PIK3R1: variants seen among roughly 807,000 people sequenced by gnomAD.
PIK3R1 encodes the protein phosphatidylinositol 3-kinase regulatory subunit alpha.
A neutral mutation model predicts 98.0 loss-of-function variants in PIK3R1; 29 were observed. That is an observed-to-expected ratio of 0.30 (90% CI 0.22 to 0.40). The LOEUF (loss-of-function observed/expected upper bound fraction) is 0.40. Among genes scored for constraint, PIK3R1 ranks in the 10% least tolerant of loss-of-function variants. PIK3R1 has a pLI of 1.00. For missense variants in PIK3R1, 596 were observed against 872.7 expected, an observed-to-expected ratio of 0.68 and a Z score of 3.99; for synonymous variants, 282 against 311.8, an observed-to-expected ratio of 0.90 and a Z score of 1.01.
At chr5:68,283,580 T>C (rs1426796393) in intron 7 of PIK3R1, among the ~76,000 whole-genome samples, 1 of 152,230 alleles carries the variant, frequency 6.6e-6, no homozygotes, top group Non-Finnish European at 1.5e-5. Context: ...TTATTCAAAA[T>C]AAATTACACA....
chr5:68,229,418 T>C (rs1221379774), intron 2 of PIK3R1, among the ~76,000 whole-genome samples: 1 of 152,238 alleles, frequency 6.6e-6, no homozygotes, highest in Non-Finnish European at 1.5e-5. Context: ...TTGAATTCTT[T>C]AGTTCTTTTC....
In PIK3R1 at chr5:68,300,169, T is replaced by G. The variant is rs543045346; in HGVS notation, c.*2568T>G. 1.0e-3 allele frequency: 239 copies of G among 233,292 alleles called. 2 individuals are homozygous for G. Among genetic ancestry groups the G allele is most frequent in the Middle Eastern group, 2.5e-3 (2 of 786 alleles). 14.5% of individuals were successfully genotyped at this position (233,292 alleles called of 1,614,324 possible). ...CGGTATTTAGGCATTTGCCTTATTT[T>G]TGCATCTCACAAACATAAGTGCAAT... is the stretch of plus-strand genomic sequence containing the variant. On this transcript the variant is annotated 3_prime_UTR_variant, in exon 16 of 16. Transcript: ENST00000521381.
intron 1 of PIK3R1, among the ~76,000 whole-genome samples, chr5:68,216,798 C>G (rs938277283): frequency 7.0e-5 from 4 of 57,024 alleles, no homozygotes; most frequent in African/African-American, 4.9e-4. Flanking sequence ...GAAACTGCCC[C>G]TCAGATCACA....
intron 2 of PIK3R1, among the ~76,000 whole-genome samples, chr5:68,240,130 A>G (rs1291087069): frequency 1.3e-5 from 2 of 150,108 alleles, no homozygotes; most frequent in Non-Finnish European, 3.0e-5. Flanking sequence ...ATGTATAAAT[A>G]TATATTTGTA....
chr5:68,273,849 G>A, intron 3 of PIK3R1, 90 bp from the exon 4 acceptor site: 3 of 951,334 alleles, frequency 3.2e-6, no homozygotes, highest in Non-Finnish European at 5.2e-6. Flanking sequence ...GATACTGGAT[G>A]GAAACTGGAA....
chr5:68,287,170 G>C (rs921597430), intron 7 of PIK3R1, among the ~76,000 whole-genome samples: 8 of 152,162 alleles, frequency 5.3e-5, no homozygotes, highest in Non-Finnish European at 8.8e-5. Flanking sequence ...ATTATTGAAA[G>C]AACCTATGTC....
rs533105432 is a variant in PIK3R1 at position 68,290,096 on chromosome 5, ATTTTC to A, written c.917-2158_917-2154del. 3.4e-4 allele frequency among the ~76,000 whole-genome samples: 52 copies of A among 152,248 alleles called. 1 individual carries two copies. Among genetic ancestry groups the A allele is most frequent in the Middle Eastern group, 6.8e-3 (2 of 294 alleles). On this transcript the variant is annotated intron_variant, in intron 7 of 15. Coordinates refer to ENST00000521381, the MANE Select transcript of PIK3R1 (RefSeq NM_181523.3). ...GTTTGGTAGAGGAGGACATCTATAC[ATTTTC>A]TTTTAACTGTCCTTTCTAATGTGGT...
intron 2 of PIK3R1, among the ~76,000 whole-genome samples, chr5:68,266,011 C>T (rs1746108211): frequency 1.3e-5 from 2 of 152,142 alleles, no homozygotes; most frequent in African/African-American, 4.8e-5. Context: ...GCCTTTTTGG[C>T]AGTTTCTCTC....
rs1580275047 is a variant in PIK3R1, at chr5:68,300,959, C to T, written c.*3358C>T. ...CAAAATGTGTTTATGTGAGCTGTCA[C>T]TGTGGGGAACCAATTGCTTTGTCAT... On this transcript the variant is annotated 3_prime_UTR_variant, in exon 16 of 16. Transcript: ENST00000521381. 2 of 233,344 alleles carry T rather than the reference C, an allele frequency of 8.6e-6. No homozygotes were observed. Among genetic ancestry groups the T allele is most frequent in the Non-Finnish European group, 8.5e-6 (1 of 117,890 alleles). 14.5% of individuals were successfully genotyped at this position (233,344 alleles called of 1,614,324 possible).
chr5:68,239,983 CTG>C (rs1201137770), intron 2 of PIK3R1: 3 of 483,584 alleles, frequency 6.2e-6, no homozygotes, highest in South Asian at 1.6e-5. Context: ...ATGTTGGAAA[CTG>C]TGGCTCTTAA....
At chr5:68,274,493 T>C (rs1746493169) in intron 4 of PIK3R1, among the ~76,000 whole-genome samples, 1 of 152,230 alleles carries the variant, frequency 6.6e-6, no homozygotes, top group African/African-American at 2.4e-5. Flanking sequence ...GCTTGCCTTC[T>C]TTCTTTTTTT....
At chr5:68,244,757 ACT>A (rs1745017881) in intron 2 of PIK3R1, among the ~76,000 whole-genome samples, 2 of 152,106 alleles carry the variant, frequency 1.3e-5, no homozygotes, top group African/African-American at 4.8e-5. Flanking sequence ...AGAAAAATGC[ACT>A]TGTTTGAACT....
intron 7 of PIK3R1, chr5:68,288,634 G>T (rs888388172): frequency 3.0e-5 from 48 of 1,594,416 alleles, no homozygotes; most frequent in Non-Finnish European, 3.7e-5. Context: ...GGAACAGGCT[G>T]GGGGGAGGTG....
intron 2 of PIK3R1, among the ~76,000 whole-genome samples, chr5:68,238,700 G>A (rs564983354): frequency 6.6e-6 from 1 of 152,274 alleles, no homozygotes; most frequent in South Asian, 2.1e-4. Context: ...AACATAAAAT[G>A]AGGGAGAAGA....
rs1747653032 is a variant in PIK3R1, at chr5:68,295,361, T to C, written c.1745+37T>C. 6 of 1,612,608 alleles carry C rather than the reference T, an allele frequency of 3.7e-6. No homozygotes were observed. The East Asian group carries it at 8.9e-5, about 24-fold the overall frequency. On this transcript the variant is annotated intron_variant, in intron 13 of 15. Coordinates refer to ENST00000521381, the MANE Select transcript of PIK3R1 (RefSeq NM_181523.3). ...AAATGGAATCCTATACATGAATAAT[T>C]GGTGATTGCTACAATTCAGGATGAG...
At position 68,250,793 on chromosome 5, in the gene PIK3R1, C is replaced by A. The variant is rs1337022341; in HGVS notation, c.335-22597C>A. Among the ~76,000 whole-genome samples the A allele has an allele frequency of 4.6e-5, 7 of 152,124 alleles. No homozygotes were observed. In the East Asian group the frequency reaches 1.4e-3, roughly 29 times the overall value. ...GGAGAGCCCTTGCTTTGTTAGCAGG[C>A]CTATGTGTCCTCAGCCCTAAGTTCC... On this transcript the variant is annotated intron_variant, in intron 2 of 15. Coordinates refer to ENST00000521381, the MANE Select transcript of PIK3R1 (RefSeq NM_181523.3).
intron 7 of PIK3R1, chr5:68,290,862 T>A: frequency 1.4e-6 from 2 of 1,468,830 alleles, no homozygotes; most frequent in Non-Finnish European, 1.9e-6. Flanking sequence ...TTGTAGAGAG[T>A]TAGTTAATTT....
At chr5:68,257,304 G>T (rs554042976) in intron 2 of PIK3R1, among the ~76,000 whole-genome samples, 98 of 152,334 alleles carry the variant, frequency 6.4e-4, no homozygotes, top group African/African-American at 2.3e-3. Flanking sequence ...TGAAAATGCA[G>T]ACATAACCAT....
chr5:68,252,179 G>A (rs182386710), intron 2 of PIK3R1, among the ~76,000 whole-genome samples: 12 of 152,198 alleles, frequency 7.9e-5, no homozygotes, highest in Admixed American at 3.3e-4. Flanking sequence ...GACCACTCTC[G>A]GCCATGCTGT....
Sources: allele counts gnomAD v4.1 joint callset (sites outside exome capture counted in the v4.1 genomes callset), GRCh38; gene constraint gnomAD v4.1.1; transcripts MANE v1.5; gene names NCBI Gene and HGNC (gene_info 2026-07-23, HGNC 2026-07-21).